RTN1: variants seen among roughly 807,000 people sequenced by gnomAD.
RTN1 encodes the protein reticulon-1.
RTN1 carries 25 observed loss-of-function variants against 65.5 expected under a neutral mutation model. The ratio of observed to expected loss-of-function variants is 0.38; its 90% confidence interval spans 0.28 to 0.53. The LOEUF (loss-of-function observed/expected upper bound fraction) is 0.53. Ranked by LOEUF, RTN1 falls within the 20% of genes least tolerant of loss-of-function variation. The pLI is 0.79. For missense variants in RTN1, 983 were observed against 1,025.4 expected (o/e 0.96, Z 0.57); for synonymous variants, 471 against 447.6 (o/e 1.05, Z -0.66).
At chr14:59,692,612 T>C (rs1304152267) in intron 3 of RTN1, among the ~76,000 whole-genome samples, 1 of 152,082 alleles carries the variant, frequency 6.6e-6, no homozygotes, top group Non-Finnish European at 1.5e-5. Context: ...AATGCAATCC[T>C]AAGCAAAAAG....
At chr14:59,645,818 C>G (rs1882883131) in intron 3 of RTN1, among the ~76,000 whole-genome samples, 1 of 152,214 alleles carries the variant, frequency 6.6e-6, no homozygotes, top group African/African-American at 2.4e-5. Context: ...CTGACCGCTT[C>G]AATCAGAGGC....
chr14:59,636,359 G>C (rs1882664989), intron 3 of RTN1, among the ~76,000 whole-genome samples: 1 of 152,074 alleles, frequency 6.6e-6, no homozygotes, highest in Non-Finnish European at 1.5e-5. Flanking sequence ...CTTGCCCTCT[G>C]CTCCCTTGCT....
chr14:59,603,308 A>G (rs1481081619), intron 6 of RTN1, 50 bp from the exon 7 acceptor site: 3 of 1,399,910 alleles, frequency 2.1e-6, no homozygotes, highest in Non-Finnish European at 3.0e-6. Flanking sequence ...ATCAATAAGA[A>G]TACGCTTATA....
At chr14:59,600,004 C>T (rs759355610) in intron 8 of RTN1, among the ~76,000 whole-genome samples, 16 of 152,146 alleles carry the variant, frequency 1.1e-4, no homozygotes, top group Non-Finnish European at 1.9e-4. Context: ...CTCACTTACT[C>T]GAAGCTTTAA....
rs562538004 is a variant in RTN1 at position 59,737,490 on chromosome 14, C to A, written c.1015+8218G>T. On this transcript the variant is annotated intron_variant, in intron 2 of 8. Coordinates refer to ENST00000267484, the MANE Select transcript of RTN1 (RefSeq NM_021136.3). Reference sequence around the variant, plus strand: ...GGACCTCTTCAAGGGGAACTACAAACAACTGCCCAAAGAAATCAGAGATGA... The same window carrying A: ...GGACCTCTTCAAGGGGAACTACAAAAAACTGCCCAAAGAAATCAGAGATGA... 5.7e-4 allele frequency among the ~76,000 whole-genome samples: 86 copies of A among 152,188 alleles called. 1 individual carries two copies. The highest frequency in any genetic ancestry group is 7.7e-4 in the East Asian group (4 of 5,182).
intron 3 of RTN1, among the ~76,000 whole-genome samples, chr14:59,644,253 A>G (rs1415904529): frequency 6.6e-6 from 1 of 152,236 alleles, no homozygotes; most frequent in African/African-American, 2.4e-5. Flanking sequence ...TCAAGAAAAC[A>G]ACTCAATCCA....
At chr14:59,677,450 G>A (rs1339700344) in intron 3 of RTN1, among the ~76,000 whole-genome samples, 1 of 152,144 alleles carries the variant, frequency 6.6e-6, no homozygotes, top group African/African-American at 2.4e-5. Flanking sequence ...GTAGGGACAC[G>A]AGAAAGATTC....
At chr14:59,664,780 T>A (rs1312521985) in intron 3 of RTN1, among the ~76,000 whole-genome samples, 2 of 152,200 alleles carry the variant, frequency 1.3e-5, no homozygotes, top group Non-Finnish European at 2.9e-5. Context: ...AGCTTCTGAC[T>A]ATTATAACTG....
chr14:59,701,269 CA>C (rs1331345352), intron 3 of RTN1, among the ~76,000 whole-genome samples: 2 of 152,124 alleles, frequency 1.3e-5, no homozygotes, highest in African/African-American at 2.4e-5. Flanking sequence ...GGTAGCTTCT[CA>C]AAATGTTAAA....
intron 3 of RTN1, among the ~76,000 whole-genome samples, chr14:59,694,653 TTC>T (rs1280481986): frequency 6.6e-6 from 1 of 152,138 alleles, no homozygotes; most frequent in African/African-American, 2.4e-5. Context: ...AAAAGAAAAT[TTC>T]TGTTATATTC....
chr14:59,853,842 A>G (rs148726197), intron 1 of RTN1, among the ~76,000 whole-genome samples: 1 of 150,544 alleles, frequency 6.6e-6, no homozygotes, highest in East Asian at 2.0e-4. Flanking sequence ...GGGTTTTGCA[A>G]TTATCCCTAT....
intron 2 of RTN1, among the ~76,000 whole-genome samples, chr14:59,735,224 GT>G (rs1482840392): frequency 1.3e-5 from 2 of 152,194 alleles, no homozygotes; most frequent in Non-Finnish European, 2.9e-5. Flanking sequence ...CCTTGCCAGA[GT>G]TCCTGAAGGA....
intron 3 of RTN1, among the ~76,000 whole-genome samples, chr14:59,655,928 T>C (rs759102234): frequency 8.5e-5 from 13 of 152,088 alleles, no homozygotes; most frequent in Non-Finnish European, 1.6e-4. Flanking sequence ...ACACAAAAAC[T>C]TGGATACGAA....
chr14:59,677,980 C>A (rs1883662115), intron 3 of RTN1, among the ~76,000 whole-genome samples: 1 of 152,232 alleles, frequency 6.6e-6, no homozygotes, highest in African/African-American at 2.4e-5. Context: ...TCTTTTCTCA[C>A]TCCCAGGATC....
chr14:59,819,409 C>CA (rs1886886891), intron 1 of RTN1, among the ~76,000 whole-genome samples: 2 of 12,550 alleles, frequency 1.6e-4, no homozygotes, highest in South Asian at 3.8e-3. Flanking sequence ...ATCCACACCA[C>CA]CACCACCCCC....
chr14:59,672,171 CTTTGAGCTCAGGTTTG>C (rs1883520062), intron 3 of RTN1, among the ~76,000 whole-genome samples: 27 of 152,182 alleles, frequency 1.8e-4, no homozygotes, highest in Admixed American at 1.7e-3. Context: ...CATTTGACCT[CTTTGAGCTCAGGTTTG>C]TCACCAGGAA....
rs527804087 is a variant in RTN1, at chr14:59,669,621, T to TA, written c.1765+57297dup. Among the ~76,000 whole-genome samples the TA allele has an allele frequency of 6.0e-4, 91 of 151,618 alleles. 2 individuals carry two copies. The South Asian group carries it at 6.9e-3, about 11-fold the overall frequency. ...TAAGTATAATATAAAAAATAAAAAA[T>TA]AAAAAAAAGAACTGTTGCAGCCATC... On this transcript the variant is annotated intron_variant, in intron 3 of 8. Coordinates refer to ENST00000267484, the MANE Select transcript of RTN1 (RefSeq NM_021136.3).
At chr14:59,644,023 A>T (rs1380982038) in intron 3 of RTN1, among the ~76,000 whole-genome samples, 1 of 152,210 alleles carries the variant, frequency 6.6e-6, no homozygotes, top group Non-Finnish European at 1.5e-5. Context: ...GAAAAATAGG[A>T]TGATAATGAT....
chr14:59,840,634 A>C (rs994412518), intron 1 of RTN1, among the ~76,000 whole-genome samples: 46 of 152,322 alleles, frequency 3.0e-4, no homozygotes, highest in African/African-American at 1.1e-3. Context: ...CTTGTATAAT[A>C]ATTCCAAAAC....
Sources: allele counts gnomAD v4.1 joint callset (sites outside exome capture counted in the v4.1 genomes callset), GRCh38; gene constraint gnomAD v4.1.1; transcripts MANE v1.5; gene names NCBI Gene and HGNC (gene_info 2026-07-23, HGNC 2026-07-21).